Variants in RAPGEF4 observed in about 807,000 individuals in gnomAD.
RAPGEF4 encodes RAP guanine-nucleotide-exchange factor (GEF) 4.
In RAPGEF4, 66 loss-of-function variants were observed where a neutral mutation model predicts 147.9. That is an observed-to-expected ratio of 0.45 (90% CI 0.37 to 0.55). RAPGEF4 has a LOEUF of 0.55. Among genes scored for constraint, RAPGEF4 ranks in the 20% least tolerant of loss-of-function variants. The pLI, the probability that RAPGEF4 is intolerant of heterozygous loss-of-function variation, is 0.00. For synonymous variants in RAPGEF4, 419 were observed against 442.7 expected (o/e 0.95, Z 0.67); for missense variants, 1,071 against 1,257.3 (o/e 0.85, Z 2.24).
At chr2:173,045,444 T>C (rs1685344684) in intron 29 of RAPGEF4, among the ~76,000 whole-genome samples, 1 of 152,228 alleles carries the variant, frequency 6.6e-6, no homozygotes, top group African/African-American at 2.4e-5. Flanking sequence ...CAAAACTGTC[T>C]TATGAAGAAT....
intron 4 of RAPGEF4, among the ~76,000 whole-genome samples, chr2:172,827,722 C>G (rs1333184397): frequency 3.3e-5 from 5 of 152,166 alleles, no homozygotes; most frequent in Non-Finnish European, 7.4e-5. Context: ...ATAACCGTAC[C>G]ATAAATGGTT....
At chr2:172,785,410 G>A (rs1168275927) in intron 1 of RAPGEF4, among the ~76,000 whole-genome samples, 2 of 152,130 alleles carry the variant, frequency 1.3e-5, no homozygotes, top group African/African-American at 2.4e-5. Context: ...TAATAATGAT[G>A]ATGACGACGG....
chr2:172,884,961 C>A (rs1236317804), intron 4 of RAPGEF4, among the ~76,000 whole-genome samples: 1 of 152,202 alleles, frequency 6.6e-6, no homozygotes, highest in Admixed American at 6.5e-5. Context: ...CTCCGTATAC[C>A]CTTGGCCTAT....
intron 19 of RAPGEF4, 83 bp from the exon 20 acceptor site, chr2:173,017,091 T>A: frequency 7.6e-7 from 1 of 1,317,288 alleles, no homozygotes; most frequent in South Asian, 1.2e-5. Flanking sequence ...TTTCATTTTC[T>A]AACATAAGAT....
At chr2:173,013,812 G>A (rs1274256738) in intron 17 of RAPGEF4, among the ~76,000 whole-genome samples, 1 of 152,206 alleles carries the variant, frequency 6.6e-6, no homozygotes, top group Non-Finnish European at 1.5e-5. Context: ...TGTGCAAAGA[G>A]CCAGTAAGGT....
chr2:173,035,899 T>C lies in RAPGEF4; in HGVS notation c.2701-226T>C, dbSNP rs111324340. 4.4e-3 allele frequency among the ~76,000 whole-genome samples: 677 copies of C among 152,292 alleles called. 8 individuals carry two copies. The highest frequency in any genetic ancestry group is 6.7e-3 in the Admixed American group (102 of 15,306). ...AAAGGTCTTCATCCTTGTCCTCTTC[T>C]TGTTGAGTAGGCTCAGGAGGAGGAG... On this transcript the variant is annotated intron_variant, in intron 27 of 30. Coordinates refer to ENST00000397081, the MANE Select transcript of RAPGEF4 (RefSeq NM_007023.4).
intron 14 of RAPGEF4, among the ~76,000 whole-genome samples, chr2:172,989,852 TA>T (rs1266048476): frequency 6.6e-6 from 1 of 152,180 alleles, no homozygotes; most frequent in Non-Finnish European, 1.5e-5. Context: ...GTCCTAAATG[TA>T]GCTTTTGTGC....
At chr2:172,904,500 G>A (rs1699411876) in intron 4 of RAPGEF4, among the ~76,000 whole-genome samples, 2 of 152,100 alleles carry the variant, frequency 1.3e-5, no homozygotes, top group South Asian at 4.1e-4. Context: ...GAAGCTTATG[G>A]TTGATTAATT....
intron 17 of RAPGEF4, among the ~76,000 whole-genome samples, chr2:173,003,478 A>G (rs1694147539): frequency 6.6e-6 from 1 of 152,098 alleles, no homozygotes; most frequent in Non-Finnish European, 1.5e-5. Flanking sequence ...TCACTGTTCT[A>G]TTTTGAATCA....
intron 4 of RAPGEF4, among the ~76,000 whole-genome samples, chr2:172,899,981 C>T (rs1439854120): frequency 2.0e-5 from 3 of 152,168 alleles, no homozygotes; most frequent in Non-Finnish European, 4.4e-5. Context: ...CTTCCTTCCA[C>T]CCTTGGACTC....
chr2:172,799,701 G>T (rs543351985), intron 3 of RAPGEF4, among the ~76,000 whole-genome samples: 2 of 152,260 alleles, frequency 1.3e-5, no homozygotes, highest in African/African-American at 4.8e-5. Flanking sequence ...GCTGAAAAGA[G>T]AAATGTGACA....
intron 4 of RAPGEF4, among the ~76,000 whole-genome samples, chr2:172,856,523 T>C (rs2676509): frequency 0.97 from 148,411 of 152,306 alleles, 72,419 homozygotes; most frequent in East Asian, 1. Flanking sequence ...TGATATATTA[T>C]AGAGATTCTG....
intron 4 of RAPGEF4, among the ~76,000 whole-genome samples, chr2:172,836,969 A>G (rs952271344): frequency 4.6e-5 from 7 of 152,254 alleles, no homozygotes; most frequent in Admixed American, 3.9e-4. Flanking sequence ...AGACCTAGGT[A>G]TGTGCTATAA....
At chr2:172,963,495 T>C (rs1336250101) in intron 8 of RAPGEF4, among the ~76,000 whole-genome samples, 1 of 152,190 alleles carries the variant, frequency 6.6e-6, no homozygotes, top group African/African-American at 2.4e-5. Context: ...TTAGGGAAAA[T>C]TTATTAAAAT....
chr2:172,855,359 G>A (rs1242203744), intron 4 of RAPGEF4, among the ~76,000 whole-genome samples: 1 of 152,042 alleles, frequency 6.6e-6, no homozygotes, highest in Non-Finnish European at 1.5e-5. Context: ...TTATGTTATT[G>A]TTGATGATAT....
chr2:172,969,729 G>C (rs1025245103), intron 10 of RAPGEF4, among the ~76,000 whole-genome samples: 3 of 152,200 alleles, frequency 2.0e-5, no homozygotes, highest in Admixed American at 6.5e-5. Context: ...AGTGCCTGCT[G>C]TATGCTAGGA....
chr2:173,049,127 G>A (rs752729), intron 30 of RAPGEF4, among the ~76,000 whole-genome samples: 5,358 of 152,166 alleles, frequency 0.035, 141 homozygotes, highest in Admixed American at 0.073. Context: ...ATTCGTAAAA[G>A]GTCCAAAAAC....
chr2:172,855,400 A>G (rs1693301295), intron 4 of RAPGEF4, among the ~76,000 whole-genome samples: 1 of 152,170 alleles, frequency 6.6e-6, no homozygotes, highest in South Asian at 2.1e-4. Flanking sequence ...ACTCCAAAAT[A>G]CAGTGTTAGA....
intron 1 of RAPGEF4, among the ~76,000 whole-genome samples, chr2:172,789,605 A>T (rs1685598315): frequency 6.6e-6 from 1 of 152,198 alleles, no homozygotes. Context: ...AGGTCAGCTG[A>T]TAATAACTCT....
Sources: gnomAD v4.1 joint callset for allele counts (sites outside exome capture counted in the v4.1 genomes callset) on GRCh38, gnomAD v4.1.1 for gene constraint, MANE v1.5 for transcripts, NCBI Gene and HGNC (gene_info 2026-07-23, HGNC 2026-07-21) for gene names.